Variants in IL1R1 observed in about 807,000 individuals in gnomAD.
IL1R1 encodes the protein interleukin 1 receptor type 1.
A neutral mutation model predicts 50.2 loss-of-function variants in IL1R1; 22 were observed. That is an observed-to-expected ratio of 0.44 (90% CI 0.31 to 0.63). The LOEUF (loss-of-function observed/expected upper bound fraction) is 0.63, where lower values mean the gene tolerates loss of function less well. Ranked by LOEUF, IL1R1 falls within the 20% of genes least tolerant of loss-of-function variation. The pLI, the probability that IL1R1 is intolerant of heterozygous loss-of-function variation, is 0.07. For missense variants in IL1R1, 509 were observed against 676.2 expected, an observed-to-expected ratio of 0.75 and a Z score of 2.74; for synonymous variants, 251 against 236.7, an observed-to-expected ratio of 1.06 and a Z score of -0.55.
At chr2:102,076,001 G>A (rs1678940142) in intron 1 of IL1R1, among the ~76,000 whole-genome samples, 2 of 152,054 alleles carry the variant, frequency 1.3e-5, no homozygotes, top group Admixed American at 6.6e-5. Context: ...ACTTTATAAC[G>A]CTTTCATTTC....
rs1363238455 is a variant in IL1R1, at chr2:102,142,776, G to A, written c.-328G>A. 6.7e-6 allele frequency: 1 copy of A among 148,906 alleles called. No homozygotes were observed. Among genetic ancestry groups the A allele is most frequent in the Non-Finnish European group, 1.5e-5 (1 of 67,020 alleles). 9.2% of individuals were successfully genotyped at this position (148,906 alleles called of 1,614,324 possible). ...CCGGCCGCGAGGGCGGGCGCAGCTT[G>A]TGGCCGGCGGCCGGAGCCGACTCGG... On this transcript the variant is annotated 5_prime_UTR_variant, in exon 1 of 12. It adds an upstream start codon to the 5' untranslated region. Transcript: ENST00000410023.
intron 1 of IL1R1, among the ~76,000 whole-genome samples, chr2:102,125,368 C>T (rs945096441): frequency 6.6e-6 from 1 of 152,198 alleles, no homozygotes; most frequent in African/African-American, 2.4e-5. Flanking sequence ...TGGATTTAGA[C>T]TGGCACAAAC....
At chr2:102,156,509 C>G (rs1684203932) in intron 2 of IL1R1, among the ~76,000 whole-genome samples, 1 of 151,700 alleles carries the variant, frequency 6.6e-6, no homozygotes, top group Non-Finnish European at 1.5e-5. Flanking sequence ...AAAAAAATAC[C>G]TATACACCTT....
At chr2:102,090,447 A>G (rs1679617384) in intron 1 of IL1R1, among the ~76,000 whole-genome samples, 1 of 152,140 alleles carries the variant, frequency 6.6e-6, no homozygotes, top group African/African-American at 2.4e-5. Context: ...AATTATACAT[A>G]TGTTAGACTT....
chr2:102,176,774 C>A lies in IL1R1; in HGVS notation c.*15C>A. 1 of 1,610,120 alleles carries A rather than the reference C, an allele frequency of 6.2e-7. No homozygotes were observed. The highest frequency in any genetic ancestry group is 1.1e-5 in the South Asian group (1 of 90,814). On this transcript the variant is annotated 3_prime_UTR_variant, in exon 12 of 12. Coordinates refer to ENST00000410023, the MANE Select transcript of IL1R1 (RefSeq NM_000877.4). ...CTCTCGGGTAGCATGGAGAAGTTGC[C>A]AAGAGTTCTTTAGGTGCCTCCTGTC...
At chr2:102,092,339 C>T (rs183723915) in intron 1 of IL1R1, among the ~76,000 whole-genome samples, 17 of 152,082 alleles carry the variant, frequency 1.1e-4, no homozygotes, top group East Asian at 5.8e-4. Context: ...TTTGTTTTTC[C>T]GCTCCTAGTC....
intron 1 of IL1R1, among the ~76,000 whole-genome samples, chr2:102,120,048 C>A (rs994049389): frequency 2.0e-5 from 3 of 152,148 alleles, no homozygotes; most frequent in African/African-American, 7.2e-5. Flanking sequence ...CCAAACCTCC[C>A]CCTGAGCTAT....
intron 1 of IL1R1, among the ~76,000 whole-genome samples, chr2:102,117,433 T>C (rs968403811): frequency 6.6e-6 from 1 of 152,246 alleles, no homozygotes; most frequent in African/African-American, 2.4e-5. Context: ...TCTGCAGGCA[T>C]GGACATATCC....
At chr2:102,123,471 A>T (rs1413999235) in intron 1 of IL1R1, among the ~76,000 whole-genome samples, 2 of 152,188 alleles carry the variant, frequency 1.3e-5, no homozygotes, top group African/African-American at 4.8e-5. Context: ...AATTGTATCA[A>T]AATAATACTT....
At chr2:102,170,133 T>C (rs1685545873) in intron 7 of IL1R1, among the ~76,000 whole-genome samples, 1 of 152,242 alleles carries the variant, frequency 6.6e-6, no homozygotes, top group Non-Finnish European at 1.5e-5. Flanking sequence ...ATGTATTATA[T>C]TGACAGTGGA....
In IL1R1 at chr2:102,072,217, G is replaced by A. The variant is rs1275855518; in HGVS notation, c.-84+1684G>A. Among the ~76,000 whole-genome samples, 7 of 150,148 alleles carry A rather than the reference G, an allele frequency of 4.7e-5. No homozygotes were observed. In the South Asian group the frequency reaches 6.3e-4, roughly 13 times the overall value. ...GGAGGTTGCAGTGAGCCGAGATTGT[G>A]CCATTGCACTCCAGCCTGGGTGACA... On this transcript the variant is annotated intron_variant, in intron 1 of 11. Transcript: ENST00000409929.
At chr2:102,086,161 A>G (rs1235140700) in intron 1 of IL1R1, among the ~76,000 whole-genome samples, 1 of 152,216 alleles carries the variant, frequency 6.6e-6, no homozygotes, top group Non-Finnish European at 1.5e-5. Context: ...AAAAACAATC[A>G]TGCCATCTGC....
chr2:102,076,197 A>G (rs1447394682), intron 1 of IL1R1, among the ~76,000 whole-genome samples: 1 of 93,416 alleles, frequency 1.1e-5, no homozygotes, highest in Non-Finnish European at 2.1e-5. Flanking sequence ...TTTTTTTTTG[A>G]GATGGAATCT....
chr2:102,148,943 TC>T (rs1683393752), intron 1 of IL1R1, among the ~76,000 whole-genome samples: 1 of 133,100 alleles, frequency 7.5e-6, no homozygotes. Flanking sequence ...AGACTCTGTC[TC>T]AAAACAAACA....
intron 1 of IL1R1, among the ~76,000 whole-genome samples, chr2:102,107,411 A>C (rs746364037): frequency 2.2e-4 from 34 of 151,318 alleles, no homozygotes; most frequent in Non-Finnish European, 4.3e-4. Flanking sequence ...CAAACGCCGC[A>C]TATTCTCACT....
chr2:102,150,465 GA>G (rs1330007760), intron 1 of IL1R1, among the ~76,000 whole-genome samples: 8 of 152,178 alleles, frequency 5.3e-5, no homozygotes, highest in Non-Finnish European at 8.8e-5. Context: ...GGACTAGTAG[GA>G]AATTACTTTA....
chr2:102,072,291 A>G (rs528720116), intron 1 of IL1R1, among the ~76,000 whole-genome samples: 107 of 152,046 alleles, frequency 7.0e-4, no homozygotes, highest in African/African-American at 2.5e-3. Flanking sequence ...AAAAATTCGT[A>G]CACTTTACAT....
intron 1 of IL1R1, among the ~76,000 whole-genome samples, chr2:102,091,702 C>T (rs923331375): frequency 2.6e-5 from 4 of 152,144 alleles, no homozygotes; most frequent in African/African-American, 9.7e-5. Context: ...CCCTACCTTG[C>T]TCTCCAATAG....
intron 1 of IL1R1, among the ~76,000 whole-genome samples, chr2:102,087,649 T>G (rs1679485394): frequency 6.6e-6 from 1 of 152,166 alleles, no homozygotes; most frequent in Non-Finnish European, 1.5e-5. Flanking sequence ...AGGTGTGGCA[T>G]GTTCCCCCTT....
Sources: allele counts gnomAD v4.1 joint callset (sites outside exome capture counted in the v4.1 genomes callset), GRCh38; gene constraint gnomAD v4.1.1; transcripts MANE v1.5; gene names NCBI Gene and HGNC (gene_info 2026-07-23, HGNC 2026-07-21).